The following MAP4K5 variants were observed in gnomAD, a reference collection of about 807,000 sequenced individuals.
MAP4K5 encodes the protein mitogen-activated protein kinase kinase kinase kinase 5.
A neutral mutation model predicts 135.6 loss-of-function variants in MAP4K5; 82 were observed. That is an observed-to-expected ratio of 0.60 (90% CI 0.51 to 0.73). The LOEUF (loss-of-function observed/expected upper bound fraction) is 0.73. Ranked by LOEUF, MAP4K5 falls within the 30% of genes least tolerant of loss-of-function variation. The pLI, the probability that MAP4K5 is intolerant of heterozygous loss-of-function variation, is 0.00. For synonymous variants in MAP4K5, 347 were observed against 335.0 expected (o/e 1.04, Z -0.39); for missense variants, 907 against 1,010.9 (o/e 0.90, Z 1.39).
chr14:50,483,272 G>A (rs1404885072), intron 5 of MAP4K5: 2 of 152,218 alleles, frequency 1.3e-5, no homozygotes, highest in East Asian at 3.9e-4. Flanking sequence ...TTGGCAACCA[G>A]ATCTCTCCCT....
intron 9 of MAP4K5, chr14:50,472,243 C>A (rs1231944614): frequency 2.0e-5 from 3 of 151,568 alleles, no homozygotes; most frequent in African/African-American, 7.3e-5. Context: ...TGGAGAGAAA[C>A]CTTATGATTG....
At chr14:50,468,899 G>A in intron 9 of MAP4K5, 117 bp from the exon 10 acceptor site, 1 of 823,422 alleles carries the variant, frequency 1.2e-6, no homozygotes, top group Non-Finnish European at 1.9e-6. Context: ...TGTTTACTAG[G>A]AAAGAAGAAA....
At chr14:50,474,618 C>G (rs1366178660) in intron 9 of MAP4K5, among the ~76,000 whole-genome samples, 1 of 151,926 alleles carries the variant, frequency 6.6e-6, no homozygotes, top group Non-Finnish European at 1.5e-5. Context: ...GTTTTAACAA[C>G]CAGGAAGAAG....
rs1188791726 is a variant in MAP4K5, at chr14:50,478,643, C to T, written c.379-2337G>A. ...CAGAATATATACTGGTTAAACATCCCTAATCAGAAAACAGAAAATACAAAA... is the reference window on the plus strand; with the variant it reads ...CAGAATATATACTGGTTAAACATCCTTAATCAGAAAACAGAAAATACAAAA... On this transcript the variant is annotated intron_variant, in intron 6 of 32. Transcript: ENST00000682126. Among the ~76,000 whole-genome samples, 4 of 152,166 alleles carry T rather than the reference C, an allele frequency of 2.6e-5. No homozygotes were observed. The East Asian group carries it at 5.8e-4, about 22-fold the overall frequency.
At chr14:50,456,630 A>T (rs760931996) in intron 13 of MAP4K5, 36 bp from the exon 14 acceptor site, 2 of 1,321,102 alleles carry the variant, frequency 1.5e-6, no homozygotes, top group African/African-American at 3.0e-5. Flanking sequence ...ACTTTAACAA[A>T]TTTCAATGAG....
At chr14:50,423,539 G>T (rs1156683945) in intron 31 of MAP4K5, among the ~76,000 whole-genome samples, 1 of 151,824 alleles carries the variant, frequency 6.6e-6, no homozygotes, top group Admixed American at 6.6e-5. Flanking sequence ...GCTCCTTTGG[G>T]GGCCAAGGCT....
chr14:50,431,319 T>C (rs2035963809), intron 28 of MAP4K5, among the ~76,000 whole-genome samples: 2 of 152,326 alleles, frequency 1.3e-5, no homozygotes, highest in South Asian at 4.1e-4. Context: ...TAGTTACATA[T>C]GTATACATGT....
chr14:50,516,825 CCTT>C (rs2038043507), intron 2 of MAP4K5, among the ~76,000 whole-genome samples: 1 of 152,140 alleles, frequency 6.6e-6, no homozygotes, highest in African/African-American at 2.4e-5. Context: ...TTAACCTACT[CCTT>C]CTACTATATG....
intron 3 of MAP4K5, among the ~76,000 whole-genome samples, chr14:50,501,180 C>G (rs2140002921): frequency 6.6e-6 from 1 of 152,152 alleles, no homozygotes; most frequent in Admixed American, 6.5e-5. Context: ...CCCAAATAAA[C>G]CAATGAACAG....
In MAP4K5 at chr14:50,552,530, G is replaced by A. The variant is rs552804504; in HGVS notation, c.-180+8510C>T. Among the ~76,000 whole-genome samples the A allele has an allele frequency of 5.9e-5, 9 of 152,062 alleles. No homozygotes were observed. In the East Asian group the frequency reaches 1.7e-3, roughly 29 times the overall value. On this transcript the variant is annotated intron_variant, in intron 1 of 8. Coordinates refer to the MAP4K5 transcript ENST00000555216. ...AGAAAAATATCCTAAAATTTGTATG[G>A]AACCAAAAAAGAGCCCACATAGCCA...
At chr14:50,560,208 C>G in intron 1 of MAP4K5, 1 of 1,606,404 alleles carries the variant, frequency 6.2e-7, no homozygotes, top group Non-Finnish European at 8.5e-7. Context: ...ACCTGCGGCC[C>G]CGGAGAAGGC....
chr14:50,443,609 AAT>A, intron 20 of MAP4K5, 118 bp downstream of exon 20: 1 of 786,746 alleles, frequency 1.3e-6, no homozygotes, highest in South Asian at 2.5e-5. Context: ...AAATGCATTC[AAT>A]ATCTTTGTAT....
chr14:50,514,902 T>G (rs1235319293), intron 2 of MAP4K5, among the ~76,000 whole-genome samples: 2 of 71,664 alleles, frequency 2.8e-5, no homozygotes, highest in African/African-American at 5.7e-5. Context: ...TTGGTCATCC[T>G]TATTCTTTTT....
chr14:50,458,955 C>A (rs1006251423), intron 13 of MAP4K5, among the ~76,000 whole-genome samples: 1 of 152,020 alleles, frequency 6.6e-6, no homozygotes, highest in Non-Finnish European at 1.5e-5. Context: ...ACTACAGGAA[C>A]CCACCACCAA....
Position 50,478,385 on chromosome 14 carries a change from AT to A in MAP4K5, c.379-2080del, listed in dbSNP as rs557786054. Among the ~76,000 whole-genome samples, 125 of 150,568 alleles carry A rather than the reference AT, an allele frequency of 8.3e-4. 1 individual carries two copies. Among genetic ancestry groups the A allele is most frequent in the African/African-American group, 2.2e-3 (90 of 40,958 alleles). On this transcript the variant is annotated intron_variant, in intron 6 of 32. Coordinates refer to ENST00000682126, the MANE Select transcript of MAP4K5 (RefSeq NM_006575.6). ...TATTTCACTGACATTCTCTATTACTATTTTTTTTCCTTTCCATTTCGTTTAT... is the reference window on the plus strand; with the variant it reads ...TATTTCACTGACATTCTCTATTACTATTTTTTTCCTTTCCATTTCGTTTAT...
At chr14:50,497,016 T>C (rs1049213569) in intron 3 of MAP4K5, among the ~76,000 whole-genome samples, 4 of 152,214 alleles carry the variant, frequency 2.6e-5, no homozygotes, top group Non-Finnish European at 5.9e-5. Context: ...TATGAAATAA[T>C]GTTAAAGATA....
chr14:50,540,673 G>C (rs901348186), intron 2 of MAP4K5, among the ~76,000 whole-genome samples: 1 of 152,176 alleles, frequency 6.6e-6, no homozygotes, highest in South Asian at 2.1e-4. Flanking sequence ...AGAAAGTCAA[G>C]TGGGACTAAA....
intron 3 of MAP4K5, among the ~76,000 whole-genome samples, chr14:50,493,759 G>A (rs1237072382): frequency 6.6e-6 from 1 of 152,106 alleles, no homozygotes. Flanking sequence ...ATTCCAGCAC[G>A]GGCAGATCGC....
At chr14:50,444,385 T>C (rs2036296213) in intron 18 of MAP4K5, among the ~76,000 whole-genome samples, 1 of 152,178 alleles carries the variant, frequency 6.6e-6, no homozygotes, top group South Asian at 2.1e-4. Flanking sequence ...TATAATAGAC[T>C]GCATAATTCA....
Sources: allele counts gnomAD v4.1 joint callset (sites outside exome capture counted in the v4.1 genomes callset), GRCh38; gene constraint gnomAD v4.1.1; transcripts MANE v1.5; gene names NCBI Gene and HGNC (gene_info 2026-07-23, HGNC 2026-07-21).